Variants in UBAP2 observed in about 807,000 individuals in gnomAD.
The protein encoded by UBAP2 is ubiquitin-associated protein 2.
A neutral mutation model predicts 139.6 loss-of-function variants in UBAP2; 75 were observed. That is an observed-to-expected ratio of 0.54 (90% CI 0.45 to 0.65). UBAP2 has a LOEUF of 0.65. UBAP2 is among the 30% of genes least tolerant of loss of function. The pLI is 0.00. For missense variants in UBAP2, 1,368 were observed against 1,369.6 expected, an observed-to-expected ratio of 1.00 and a Z score of 0.02; for synonymous variants, 526 against 526.2, an observed-to-expected ratio of 1.00 and a Z score of 0.01.
chr9:34,011,756 A>C, intron 2 of UBAP2: 1 of 539,404 alleles, frequency 1.9e-6, no homozygotes, highest in Non-Finnish European at 2.4e-6. Flanking sequence ...CATTAGTGAC[A>C]TACACTAGGT....
chr9:34,013,705 CG>C (rs1443502220), intron 2 of UBAP2, among the ~76,000 whole-genome samples: 1 of 151,824 alleles, frequency 6.6e-6, no homozygotes, highest in Admixed American at 6.6e-5. Flanking sequence ...GGCGAAACCC[CG>C]TCTCTACCAA....
At chr9:33,932,460 A>T (rs1444628346) in intron 19 of UBAP2, 102 bp downstream of exon 19, 1 of 1,379,702 alleles carries the variant, frequency 7.2e-7, no homozygotes, top group Admixed American at 1.9e-5. Flanking sequence ...GCAACTCTAG[A>T]TTATCAGACA....
At chr9:33,942,727 C>CAAAAAAAAAAA (rs544848249) in intron 15 of UBAP2, among the ~76,000 whole-genome samples, 2 of 135,014 alleles carry the variant, frequency 1.5e-5, no homozygotes, top group Admixed American at 7.6e-5. Flanking sequence ...GACCCTATCT[C>CAAAAAAAAAAA]AAAAAAAAAA....
At chr9:33,977,068 T>C in intron 6 of UBAP2, among the ~76,000 whole-genome samples, 1 of 145,158 alleles carries the variant, frequency 6.9e-6, no homozygotes, top group Non-Finnish European at 1.5e-5. Context: ...AGACAGAGTC[T>C]CACCCTGTAG....
chr9:33,993,494 C>A (rs1587627078), intron 4 of UBAP2, among the ~76,000 whole-genome samples: 2 of 152,276 alleles, frequency 1.3e-5, no homozygotes, highest in East Asian at 3.9e-4. Context: ...AACACAGAGA[C>A]CCCCTAACTC....
intron 1 of UBAP2, among the ~76,000 whole-genome samples, chr9:34,047,918 T>A (rs1423121855): frequency 6.6e-6 from 1 of 152,192 alleles, no homozygotes; most frequent in Non-Finnish European, 1.5e-5. Context: ...CTTCCTTGAA[T>A]GTGAGGTAAA....
intron 1 of UBAP2, among the ~76,000 whole-genome samples, chr9:34,023,219 C>CA (rs773859149): frequency 0.11 from 10,569 of 95,034 alleles, 547 homozygotes; most frequent in Non-Finnish European, 0.15. Flanking sequence ...AAGACTGTCT[C>CA]AAAAAAAAAA....
At chr9:34,038,830 G>A (rs997907156) in intron 1 of UBAP2, among the ~76,000 whole-genome samples, 4 of 151,928 alleles carry the variant, frequency 2.6e-5, no homozygotes, top group African/African-American at 9.7e-5. Context: ...TCCCGTCTAG[G>A]AAGTGAGGAG....
chr9:33,968,084 T>C (rs910938760), intron 8 of UBAP2: 5 of 465,832 alleles, frequency 1.1e-5, no homozygotes, highest in Non-Finnish European at 2.1e-5. Context: ...ACTTATCAGA[T>C]TGCCCGGCAG....
chr9:33,949,519 G>A (rs1454368949), intron 12 of UBAP2, among the ~76,000 whole-genome samples: 6 of 152,040 alleles, frequency 3.9e-5, no homozygotes, highest in South Asian at 2.1e-4. Context: ...CCTGGCCAAC[G>A]TGGTGAAACC....
intron 4 of UBAP2, chr9:33,995,595 AAATT>A (rs1822133754): frequency 7.4e-6 from 1 of 135,028 alleles, no homozygotes; most frequent in South Asian, 2.2e-4. Flanking sequence ...TTAAAATTTA[AAATT>A]ATTAAATAAA....
At chr9:33,985,470 T>G (rs908414673) in intron 6 of UBAP2, among the ~76,000 whole-genome samples, 1 of 152,186 alleles carries the variant, frequency 6.6e-6, no homozygotes, top group African/African-American at 2.4e-5. Flanking sequence ...ATTTACAGGT[T>G]GGAATACTAC....
chr9:33,973,547 T>C lies in UBAP2; in HGVS notation c.521-310A>G, dbSNP rs565601349. Among the ~76,000 whole-genome samples the C allele has an allele frequency of 2.6e-3, 398 of 152,274 alleles. 1 individual carries two copies. Among genetic ancestry groups the C allele is most frequent in the Non-Finnish European group, 2.6e-3 (174 of 68,020 alleles). On this transcript the variant is annotated intron_variant, in intron 6 of 28. Transcript: ENST00000379238. ...TTAAAATCAGAAAGAGCTAACACCA[T>C]GGAATTATAAGCCACTACTATAAAT...
At chr9:33,975,602 T>C (rs1454532007) in intron 6 of UBAP2, among the ~76,000 whole-genome samples, 1 of 149,104 alleles carries the variant, frequency 6.7e-6, no homozygotes. Flanking sequence ...ATCGAGACCA[T>C]CCTGGCTAAC....
At chr9:33,965,540 G>A (rs1278238491) in intron 8 of UBAP2, among the ~76,000 whole-genome samples, 1 of 152,098 alleles carries the variant, frequency 6.6e-6, no homozygotes, top group Non-Finnish European at 1.5e-5. Flanking sequence ...ACTAGGATTT[G>A]CCACTATATC....
intron 5 of UBAP2, among the ~76,000 whole-genome samples, chr9:33,987,967 T>C (rs1301128255): frequency 6.6e-6 from 1 of 152,178 alleles, no homozygotes; most frequent in African/African-American, 2.4e-5. Context: ...TAGCTCTACA[T>C]AATACAGAAA....
intron 1 of UBAP2, among the ~76,000 whole-genome samples, chr9:34,035,146 C>A (rs1204095868): frequency 6.6e-6 from 1 of 152,206 alleles, no homozygotes; most frequent in African/African-American, 2.4e-5. Flanking sequence ...TAGGTCACCA[C>A]TGGTCTCCTA....
chr9:33,933,427 C>T, intron 18 of UBAP2, 63 bp downstream of exon 18: 4 of 1,577,410 alleles, frequency 2.5e-6, no homozygotes, highest in Non-Finnish European at 3.5e-6. Flanking sequence ...AAGCAACCTT[C>T]TACAGGAGCT....
At chr9:34,047,234 C>A (rs1233042306) in intron 1 of UBAP2, among the ~76,000 whole-genome samples, 5 of 152,154 alleles carry the variant, frequency 3.3e-5, no homozygotes. Flanking sequence ...CACGTATCAA[C>A]TAGCCATAAG....
Sources: allele counts gnomAD v4.1 joint callset (sites outside exome capture counted in the v4.1 genomes callset), GRCh38; gene constraint gnomAD v4.1.1; transcripts MANE v1.5; gene names NCBI Gene and HGNC (gene_info 2026-07-23, HGNC 2026-07-21).